Variants in LMAN2L observed in about 807,000 individuals in gnomAD.
LMAN2L encodes VIP36-like protein.
In LMAN2L, 30 loss-of-function variants were observed where a neutral mutation model predicts 44.3. The ratio of observed to expected loss-of-function variants is 0.68; its 90% CI spans 0.51 to 0.92. LMAN2L has a LOEUF of 0.92. LMAN2L is among the 40% of genes least tolerant of loss of function. The pLI, the probability that LMAN2L is intolerant of heterozygous loss-of-function variation, is 0.00. For missense variants in LMAN2L, 429 were observed against 446.1 expected (o/e 0.96, Z 0.35); for synonymous variants, 183 against 171.1 (o/e 1.07, Z -0.54).
At chr2:96,713,096 G>C (rs2077964297) in intron 4 of LMAN2L, 4 of 1,550,516 alleles carry the variant, frequency 2.6e-6, no homozygotes, top group Non-Finnish European at 3.5e-6. Context: ...GATGAGCCAA[G>C]AACTGAGTAC....
At chr2:96,714,887 G>C (rs982455446) in intron 4 of LMAN2L, among the ~76,000 whole-genome samples, 1 of 152,166 alleles carries the variant, frequency 6.6e-6, no homozygotes, top group African/African-American at 2.4e-5. Context: ...GTATACATGG[G>C]TCCCTCAGTC....
chr2:96,732,854 T>A (rs2078434174), intron 4 of LMAN2L, among the ~76,000 whole-genome samples: 3 of 151,120 alleles, frequency 2.0e-5, no homozygotes, highest in African/African-American at 7.3e-5. Flanking sequence ...AATGGTGTGA[T>A]TCTCTTGCCT....
intron 4 of LMAN2L, among the ~76,000 whole-genome samples, chr2:96,725,171 G>A (rs967142269): frequency 1.3e-5 from 2 of 151,960 alleles, no homozygotes; most frequent in African/African-American, 4.8e-5. Flanking sequence ...TCTTGGCCAG[G>A]ATGGTCTTGA....
intron 6 of LMAN2L, among the ~76,000 whole-genome samples, chr2:96,708,272 A>C (rs973960015): frequency 2.6e-5 from 4 of 152,268 alleles, no homozygotes; most frequent in African/African-American, 9.6e-5. Context: ...GTAAACAACC[A>C]GTACTGCATC....
Position 96,707,166 on chromosome 2 carries a change from G to A in LMAN2L, c.*90C>T. The A allele has an allele frequency of 1.6e-6, 2 of 1,287,212 alleles. No individual in the cohort carries two copies. The highest frequency in any genetic ancestry group is 2.9e-5 in the South Asian group (2 of 69,606). 79.7% of individuals were successfully genotyped at this position (1,287,212 alleles called of 1,614,324 possible). The stretch of plus-strand genomic sequence containing the variant: ...GTCCCCAACCAGCTGCTAGAGACAA[G>A]AACACTCTCCAGGCTGCATGCTCAG... On this transcript the variant is annotated 3_prime_UTR_variant, in exon 8 of 8. Coordinates refer to ENST00000264963, the MANE Select transcript of LMAN2L (RefSeq NM_030805.4).
intron 4 of LMAN2L, among the ~76,000 whole-genome samples, chr2:96,719,422 G>C (rs1043439830): frequency 4.6e-5 from 7 of 151,210 alleles, no homozygotes; most frequent in African/African-American, 1.7e-4. Context: ...ACAGTAAAGA[G>C]ACCACTTTGG....
chr2:96,733,662 T>C (rs2153335705), intron 3 of LMAN2L, 61 bp from the exon 4 acceptor site: 3 of 1,329,146 alleles, frequency 2.3e-6, no homozygotes, highest in Non-Finnish European at 2.2e-6. Context: ...AAAGGAATAA[T>C]ATATCACTAT....
At chr2:96,735,492 C>T (rs191851460) in intron 2 of LMAN2L, among the ~76,000 whole-genome samples, 1 of 152,316 alleles carries the variant, frequency 6.6e-6, no homozygotes, top group Non-Finnish European at 1.5e-5. Flanking sequence ...CTCTATTGAG[C>T]CAGTCTCTGT....
Position 96,707,183 on chromosome 2 carries a change from C to T in LMAN2L, c.*73G>A. The T allele has an allele frequency of 7.0e-7, 1 of 1,432,958 alleles. No individual in the cohort carries two copies. The highest frequency in any genetic ancestry group is 9.6e-7 in the Non-Finnish European group (1 of 1,037,698). The allele number at this position is 1,432,958 out of a possible 1,614,324, so 88.8% of individuals were successfully genotyped here. ...AGAGACAAGAACACTCTCCAGGCTGCATGCTCAGGCCAGTGCCTGCTCCTT... is the reference window on the plus strand; with the variant it reads ...AGAGACAAGAACACTCTCCAGGCTGTATGCTCAGGCCAGTGCCTGCTCCTT... On this transcript the variant is annotated 3_prime_UTR_variant, in exon 8 of 8. Transcript: ENST00000264963.
Position 96,711,961 on chromosome 2 carries a change from T to C in LMAN2L, c.572A>G (p.Asp191Gly), listed in dbSNP as rs1403550934. 6.2e-7 allele frequency: 1 copy of C among 1,614,136 alleles called. No individual in the cohort carries two copies. Among genetic ancestry groups the C allele is most frequent in the East Asian group, 2.2e-5 (1 of 44,882 alleles). Reference protein sequence around the residue: ...NGSLSYDHERDGRPTELGGCT... With the variant: ...NGSLSYDHERGGRPTELGGCT... ...GCCTCCCAGCTCTGTAGGCCGCCCA[T>C]CCCGCTCATGATCATAGCTGAGGGA... The change falls in exon 5 of 8, where the codon GAT becomes GGT. Residue 191 changes from aspartate to glycine, a missense_variant. Physicochemically the swap from Asp to Gly is moderately conservative, Grantham distance 94. Coordinates refer to ENST00000264963, the MANE Select transcript of LMAN2L (RefSeq NM_030805.4).
intron 2 of LMAN2L, 108 bp from the exon 3 acceptor site, chr2:96,734,634 G>C (rs992280526): frequency 5.5e-6 from 4 of 724,872 alleles, no homozygotes; most frequent in Non-Finnish European, 9.9e-6. Flanking sequence ...GGTAACACTA[G>C]ACTAAGGGTT....
At chr2:96,729,506 T>G (rs2078347146) in intron 4 of LMAN2L, among the ~76,000 whole-genome samples, 5 of 152,106 alleles carry the variant, frequency 3.3e-5, no homozygotes, top group Admixed American at 3.3e-4. Context: ...TTTATTTTTT[T>G]TTTAATGGCT....
At chr2:96,715,908 A>G (rs1394219626) in intron 4 of LMAN2L, among the ~76,000 whole-genome samples, 1 of 152,214 alleles carries the variant, frequency 6.6e-6, no homozygotes, top group Admixed American at 6.5e-5. Flanking sequence ...TCCTCACTGT[A>G]AACAGAACAA....
intron 4 of LMAN2L, chr2:96,713,118 G>A (rs1558949384): frequency 1.3e-6 from 2 of 1,551,300 alleles, no homozygotes; most frequent in Non-Finnish European, 1.7e-6. Flanking sequence ...TGGACTCCTG[G>A]AGAATATCGC....
At chr2:96,709,696 C>T (rs1035810386) in intron 6 of LMAN2L, among the ~76,000 whole-genome samples, 2 of 152,220 alleles carry the variant, frequency 1.3e-5, no homozygotes, top group South Asian at 2.1e-4. Flanking sequence ...AAGCCTGGAA[C>T]GGCTGGGAAA....
At chr2:96,723,708 G>A (rs1202636885) in intron 4 of LMAN2L, among the ~76,000 whole-genome samples, 5 of 152,044 alleles carry the variant, frequency 3.3e-5, no homozygotes, top group African/African-American at 4.8e-5. Context: ...TGTGTGGTGT[G>A]AAATAGGGAA....
At chr2:96,710,871 CAG>C (rs2077899922) in intron 6 of LMAN2L, among the ~76,000 whole-genome samples, 1 of 152,056 alleles carries the variant, frequency 6.6e-6, no homozygotes, top group African/African-American at 2.4e-5. Flanking sequence ...TCAAAAGAAA[CAG>C]AAGTTCAGTT....
chr2:96,707,300 G>A lies in LMAN2L; in HGVS notation c.1003C>T (p.Leu335Phe), dbSNP rs768164274. 6.0e-5 allele frequency: 97 copies of A among 1,614,146 alleles called. 1 individual carries two copies. The South Asian group carries it at 1.0e-3, about 17-fold the overall frequency. Reference sequence around the variant, plus strand: ...CTCTGTTCCTGCCATTTGTTGTAGAGTATGATACCAATGACTATGGCAAAT... The same window carrying A: ...CTCTGTTCCTGCCATTTGTTGTAGAATATGATACCAATGACTATGGCAAAT... The part of the protein sequence containing the change: ...SVFAIVIGII[L>F]YNKWQEQSRK... The change falls in exon 8 of 8, where the codon CTC becomes TTC. Residue 335 changes from leucine to phenylalanine, a missense_variant. Coordinates refer to ENST00000264963, the MANE Select transcript of LMAN2L (RefSeq NM_030805.4).
chr2:96,713,083 C>T (rs2077963718), intron 4 of LMAN2L: 1 of 1,548,080 alleles, frequency 6.5e-7, no homozygotes. Context: ...GAGGGATGCT[C>T]ATGATGAGCC....
Sources: gnomAD v4.1 joint callset for allele counts (sites outside exome capture counted in the v4.1 genomes callset) on GRCh38, gnomAD v4.1.1 for gene constraint, MANE v1.5 for transcripts, NCBI Gene and HGNC (gene_info 2026-07-23, HGNC 2026-07-21) for gene names.